The following CENPN variants were observed in gnomAD, a reference collection of about 807,000 sequenced individuals.
CENPN encodes interphase centromere complex protein 32.
CENPN carries 36 observed loss-of-function variants against 48.6 expected under a neutral mutation model. That is an observed-to-expected ratio of 0.74 (90% CI 0.57 to 0.98). The LOEUF (loss-of-function observed/expected upper bound fraction) is 0.98, where lower values mean the gene tolerates loss of function less well. Ranked by LOEUF, CENPN falls within the 50% of genes least tolerant of loss-of-function variation. The probability of loss-of-function intolerance (pLI) is 0.00; values close to 1 mark genes in which losing one functional copy is unlikely to be tolerated. For missense variants in CENPN, 439 were observed against 399.2 expected (o/e 1.10, Z -0.85); for synonymous variants, 166 against 135.2 (o/e 1.23, Z -1.58).
downstream of CENPN, chr16:81,032,656 T>G (rs1190484898): frequency 6.2e-7 from 1 of 1,611,854 alleles, no homozygotes; most frequent in Non-Finnish European, 8.5e-7. Flanking sequence ...GCAGAAGGAC[T>G]TGTACCTTCT....
At chr16:81,010,948 G>C (rs1315068477) in intron 1 of CENPN, among the ~76,000 whole-genome samples, 1 of 152,172 alleles carries the variant, frequency 6.6e-6, no homozygotes, top group Non-Finnish European at 1.5e-5. Flanking sequence ...ACAGTAGCGA[G>C]ATTGATCCTG....
chr16:81,024,646 T>C, intron 7 of CENPN, 69 bp from the exon 8 acceptor site: 1 of 933,760 alleles, frequency 1.1e-6, no homozygotes, highest in East Asian at 3.0e-5. Context: ...TTTAATATAC[T>C]AAAAAAAAAA....
At chr16:81,026,149 ATATATGTG>A (rs1322453101) in intron 8 of CENPN, among the ~76,000 whole-genome samples, 1 of 142,708 alleles carries the variant, frequency 7.0e-6, no homozygotes, top group Non-Finnish European at 1.5e-5. Context: ...ATATGTATAT[ATATATGTG>A]TATATATATG....
intron 10 of CENPN, 127 bp downstream of exon 10, chr16:81,028,424 TGCA>T: frequency 3.4e-6 from 5 of 1,478,098 alleles, no homozygotes; most frequent in Non-Finnish European, 4.6e-6. Flanking sequence ...TGCTCTCTCT[TGCA>T]TCTTCTGCTT....
At chr16:81,031,733 G>C (rs114495170), downstream of CENPN, among the ~76,000 whole-genome samples, 5 of 152,148 alleles carry the variant, frequency 3.3e-5, no homozygotes, top group Non-Finnish European at 4.4e-5. Context: ...CTGTCCAGTA[G>C]CTGGGATTAC....
rs556081883 is a variant in CENPN at position 81,024,662 on chromosome 16, A to G, written c.634-53A>G. On this transcript the variant is annotated intron_variant, in intron 7 of 10. Transcript: ENST00000305850. ...TTAATATACTAAAAAAAAAATTAAT[A>G]TCTGTACTTCAAGATGTCAAGATTA... The G allele has an allele frequency of 5.7e-4, 680 of 1,187,056 alleles. 13 individuals carry two copies. The South Asian group carries it at 8.6e-3, about 15-fold the overall frequency. 73.5% of individuals were successfully genotyped at this position (1,187,056 alleles called of 1,614,324 possible).
In CENPN at chr16:81,012,128, G is replaced by T; in HGVS notation, c.171+18G>T. 1.2e-6 allele frequency: 2 copies of T among 1,611,472 alleles called. No homozygotes were observed. Among genetic ancestry groups the T allele is most frequent in the Non-Finnish European group, 1.7e-6 (2 of 1,177,990 alleles). ...TGTGTGAGGTAACAGTGTTAAAAAT[G>T]ATGAGCCTTGAACAGAGTGCTACCC... On this transcript the variant is annotated intron_variant, in intron 2 of 10. Coordinates refer to ENST00000305850, the MANE Select transcript of CENPN (RefSeq NM_001100624.3).
At chr16:81,011,813 G>C in intron 1 of CENPN, 117 bp from the exon 2 acceptor site, 1 of 807,792 alleles carries the variant, frequency 1.2e-6, no homozygotes, top group South Asian at 1.9e-5. Flanking sequence ...GACCAACGTG[G>C]GCAATCTAGT....
chr16:81,017,483 C>G (rs751478274), intron 4 of CENPN, 98 bp downstream of exon 4: 2 of 835,040 alleles, frequency 2.4e-6, no homozygotes, highest in Non-Finnish European at 4.0e-6. Context: ...GCACTCCAGC[C>G]TGGGTAACAG....
chr16:81,009,342 C>T (rs958180476), intron 1 of CENPN, among the ~76,000 whole-genome samples: 1 of 152,204 alleles, frequency 6.6e-6, no homozygotes, highest in African/African-American at 2.4e-5. Flanking sequence ...CTGGAGAGAA[C>T]ATGTGCAGGA....
rs1018106245 is a variant in CENPN, at chr16:81,028,897, GC to G, written c.*250del. On this transcript the variant is annotated 3_prime_UTR_variant, in exon 11 of 11. Transcript: ENST00000305850. ...AGATGACAGGACATATATATATATG[GC>G]CCCACACTTGACCTTGAGTGCCTGA... 45 of 1,174,974 alleles carry G rather than the reference GC, an allele frequency of 3.8e-5. No individual in the cohort carries two copies. The highest frequency in any genetic ancestry group is 4.8e-5 in the African/African-American group (3 of 62,198). The allele number at this position is 1,174,974 out of a possible 1,614,324, so 72.8% of individuals were successfully genotyped here.
In CENPN at chr16:81,028,047, CCT is replaced by C. The variant is rs1236713720; in HGVS notation, c.811-123_811-122del. The C allele has an allele frequency of 4.7e-6, 4 of 849,150 alleles. No individual in the cohort carries two copies. In the African/African-American group the frequency reaches 5.0e-5, roughly 11 times the overall value. 52.6% of individuals were successfully genotyped at this position (849,150 alleles called of 1,614,324 possible). Reference sequence around the variant, plus strand: ...GTTAGCAGATTAAATGGTCCCCACCCCTGTTAATTCCTGTATTTCTTAATGGC... The same window carrying C: ...GTTAGCAGATTAAATGGTCCCCACCCGTTAATTCCTGTATTTCTTAATGGC... On this transcript the variant is annotated intron_variant, in intron 9 of 10. Coordinates refer to ENST00000305850, the MANE Select transcript of CENPN (RefSeq NM_001100624.3).
intron 3 of CENPN, 135 bp downstream of exon 3, chr16:81,014,316 C>A (rs1969854312): frequency 1.5e-6 from 1 of 672,012 alleles, no homozygotes; most frequent in Non-Finnish European, 2.7e-6. Context: ...CTCACCGCGA[C>A]CTCTGCCTCC....
intron 3 of CENPN, chr16:81,017,085 T>C (rs557320439): frequency 4.7e-4 from 169 of 359,650 alleles, no homozygotes; most frequent in Admixed American, 2.5e-3. Flanking sequence ...TGGGCTAACA[T>C]AGAATAAATA....
chr16:81,008,993 G>A (rs1332898605), intron 1 of CENPN, among the ~76,000 whole-genome samples: 1 of 152,220 alleles, frequency 6.6e-6, no homozygotes, highest in Non-Finnish European at 1.5e-5. Flanking sequence ...GATCACTTGA[G>A]CTTGGGAGTT....
At position 81,029,320 on chromosome 16, in the gene CENPN, G is replaced by C; in HGVS notation, c.*669G>C. On this transcript the variant is annotated 3_prime_UTR_variant, in exon 11 of 11. Coordinates refer to ENST00000305850, the MANE Select transcript of CENPN (RefSeq NM_001100624.3). ...AAGGTGTCAAAAAACTGGCACATCA[G>C]TTAATTTTGATCAAAGTACTTCAGT... 2.1e-6 allele frequency: 2 copies of C among 950,318 alleles called. No individual in the cohort carries two copies. Among genetic ancestry groups the C allele is most frequent in the Non-Finnish European group, 2.5e-6 (2 of 798,118 alleles). The allele number at this position is 950,318 out of a possible 1,614,324, so 58.9% of individuals were successfully genotyped here.
chr16:81,014,672 T>C (rs764931738), intron 3 of CENPN, among the ~76,000 whole-genome samples: 3 of 152,194 alleles, frequency 2.0e-5, no homozygotes, highest in Non-Finnish European at 2.9e-5. Flanking sequence ...GTACATTATC[T>C]ACTTCACGGT....
At chr16:81,008,922 G>A (rs1242774484) in intron 1 of CENPN, among the ~76,000 whole-genome samples, 1 of 152,238 alleles carries the variant, frequency 6.6e-6, no homozygotes, top group Admixed American at 6.5e-5. Flanking sequence ...ATTAGCAGTG[G>A]ATGGCCTGGT....
chr16:81,014,347 A>C (rs1969854968), intron 3 of CENPN, 166 bp downstream of exon 3: 2 of 611,484 alleles, frequency 3.3e-6, no homozygotes, highest in East Asian at 2.8e-5. Context: ...TGATTCTCCA[A>C]CCTCAGCCTC....
Sources: allele counts gnomAD v4.1 joint callset (sites outside exome capture counted in the v4.1 genomes callset), GRCh38; gene constraint gnomAD v4.1.1; transcripts MANE v1.5; gene names NCBI Gene and HGNC (gene_info 2026-07-23, HGNC 2026-07-21).